ELP2: variants seen among roughly 807,000 people sequenced by gnomAD.
ELP2 encodes the protein elongator complex protein 2.
In ELP2, 90 loss-of-function variants were observed where a neutral mutation model predicts 119.2. The ratio of observed to expected loss-of-function variants is 0.75; its 90% CI spans 0.64 to 0.90. The LOEUF (loss-of-function observed/expected upper bound fraction) is 0.90. Ranked by LOEUF, ELP2 falls within the 40% of genes least tolerant of loss-of-function variation. The pLI is 0.00. For synonymous variants in ELP2, 339 were observed against 331.0 expected, an observed-to-expected ratio of 1.02 and a Z score of -0.26; for missense variants, 921 against 967.8, an observed-to-expected ratio of 0.95 and a Z score of 0.64.
intron 11 of ELP2, among the ~76,000 whole-genome samples, chr18:36,152,680 G>A (rs1414056224): frequency 6.6e-6 from 1 of 152,180 alleles, no homozygotes; most frequent in East Asian, 1.9e-4. Flanking sequence ...CTGGCTGGCC[G>A]TTCCCTCAGG....
At chr18:36,130,238 C>T (rs552136962) in intron 1 of ELP2, among the ~76,000 whole-genome samples, 167 bp downstream of exon 1, 6 of 152,254 alleles carry the variant, frequency 3.9e-5, no homozygotes, top group Non-Finnish European at 8.8e-5. Flanking sequence ...CGGACTCGCT[C>T]CTCACCCCTC....
intron 2 of ELP2, 32 bp downstream of exon 2, chr18:36,133,348 C>T (rs2089704304): frequency 6.7e-7 from 1 of 1,502,100 alleles, no homozygotes; most frequent in Non-Finnish European, 9.3e-7. Context: ...AAGTTGATCT[C>T]AATTGTTTTC....
chr18:36,154,926 A>G lies in ELP2; in HGVS notation c.1202A>G (p.Glu401Gly). The change falls in exon 12 of 22, where the codon GAA becomes GGA. Residue 401 changes from glutamate (E) to glycine (G), a missense_variant. Coordinates refer to ENST00000358232, the MANE Select transcript of ELP2 (RefSeq NM_018255.4). ...VQDLVWDPEG[E>G]FIITVGTDQT... ...GACCTAGTCTGGGATCCAGAAGGAG[A>G]ATTTATTATCACTGTTGGTACTGAT... 1.2e-6 allele frequency: 2 copies of G among 1,614,036 alleles called. No homozygotes were observed. Among genetic ancestry groups the G allele is most frequent in the Non-Finnish European group, 1.7e-6 (2 of 1,179,900 alleles).
chr18:36,174,375 A>T, intron 21 of ELP2, 110 bp from the exon 22 acceptor site: 1 of 1,059,596 alleles, frequency 9.4e-7, no homozygotes, highest in Non-Finnish European at 1.4e-6. Flanking sequence ...CTAAAATGTT[A>T]ATGATGCGAT....
intron 19 of ELP2, 132 bp from the exon 20 acceptor site, chr18:36,169,931 C>T (rs1486457863): frequency 3.4e-6 from 4 of 1,181,956 alleles, no homozygotes; most frequent in Admixed American, 1.9e-5. Context: ...GCACACCATA[C>T]ACGAATGTAA....
intron 4 of ELP2, 23 bp from the exon 5 acceptor site, chr18:36,138,772 T>C: frequency 1.3e-6 from 2 of 1,589,638 alleles, no homozygotes; most frequent in Non-Finnish European, 1.7e-6. Context: ...TAGTTGTTCA[T>C]TGTGTTTTTT....
intron 18 of ELP2, among the ~76,000 whole-genome samples, chr18:36,166,244 T>C (rs2090891581): frequency 6.6e-6 from 1 of 152,018 alleles, no homozygotes; most frequent in South Asian, 2.1e-4. Flanking sequence ...GTTATATCTT[T>C]ATGGATTATG....
rs756287485 is a variant in ELP2, at chr18:36,136,332, A to G, written c.243A>G (p.Gly81=). The change falls in exon 3 of 22, where the codon GGA becomes GGG. Residue 81 remains glycine, a synonymous_variant. Transcript: ENST00000358232. ...DGSPSTELVS[G]GSDNQVIHWE... is the part of the protein sequence containing the mutation. The stretch of plus-strand genomic sequence containing the variant: ...CCCCTTCTACTGAATTAGTTTCTGG[A>G]GGATCTGATAATCAAGTGATTCACT... 6.2e-7 allele frequency: 1 copy of G among 1,611,558 alleles called. No homozygotes were observed. Among genetic ancestry groups the G allele is most frequent in the Non-Finnish European group, 8.5e-7 (1 of 1,177,744 alleles).
intron 8 of ELP2, 90 bp downstream of exon 8, chr18:36,143,056 GTT>G: frequency 2.3e-6 from 2 of 866,712 alleles, no homozygotes; most frequent in Non-Finnish European, 3.6e-6. Flanking sequence ...GTGAAGGATA[GTT>G]TTTCACAATT....
At position 36,164,983 on chromosome 18, in the gene ELP2, A is replaced by G. The variant is rs538221106; in HGVS notation, c.1954+316A>G. 3.4e-4 allele frequency: 117 copies of G among 347,816 alleles called. 1 individual carries two copies. The South Asian group carries it at 3.5e-3, about 10-fold the overall frequency. 21.5% of individuals were successfully genotyped at this position (347,816 alleles called of 1,614,324 possible). A position where few individuals can be genotyped will look rare whatever the true frequency, so the allele number is the denominator to read the frequency against. On this transcript the variant is annotated intron_variant, in intron 18 of 21. Transcript: ENST00000358232. ...TTGCAAATGGTGATAGAATGCTACC[A>G]CAAAGCCTAATGGATAACTTATCCT...
At chr18:36,139,808 A>G in intron 5 of ELP2, 1 of 386,896 alleles carries the variant, frequency 2.6e-6, no homozygotes, top group East Asian at 4.0e-5. Context: ...ATAATTTTAC[A>G]GTCACATCTT....
chr18:36,160,111 T>C, intron 16 of ELP2, 96 bp downstream of exon 16: 1 of 1,159,516 alleles, frequency 8.6e-7, no homozygotes, highest in Non-Finnish European at 1.3e-6. Context: ...TTTTCTTCCT[T>C]CTACCTACCT....
At chr18:36,173,358 C>A (rs1424665709) in intron 21 of ELP2, among the ~76,000 whole-genome samples, 1 of 152,160 alleles carries the variant, frequency 6.6e-6, no homozygotes, top group Non-Finnish European at 1.5e-5. Context: ...ATAATATTAC[C>A]TGTTTCAATC....
intron 21 of ELP2, among the ~76,000 whole-genome samples, chr18:36,172,663 T>A (rs1401092601): frequency 6.6e-6 from 1 of 152,206 alleles, no homozygotes; most frequent in African/African-American, 2.4e-5. Context: ...TCTCTCTTCC[T>A]GGGCACCCTT....
At position 36,156,551 on chromosome 18, in the gene ELP2, C is replaced by G; in HGVS notation, c.1361C>G (p.Ser454Cys). The stretch of plus-strand genomic sequence containing the variant: ...ATGATTAATCGGTTTCAGTTTGTAT[C>G]TGGAGCAGATGAAAAAGTTCTTCGG... ...LAMINRFQFV[S>C]GADEKVLRVF... The change falls in exon 13 of 22, where the codon TCT (serine) becomes TGT (cysteine). Residue 454 changes from serine to cysteine, a missense_variant. Ser to Cys is a moderately radical substitution (Grantham distance 112, BLOSUM62 -1). Coordinates refer to ENST00000358232, the MANE Select transcript of ELP2 (RefSeq NM_018255.4). The G allele has an allele frequency of 6.2e-7, 1 of 1,614,132 alleles. No individual in the cohort carries two copies. Among genetic ancestry groups the G allele is most frequent in the Non-Finnish European group, 8.5e-7 (1 of 1,180,018 alleles).
rs370800781 is a variant in ELP2 at position 36,152,944 on chromosome 18, TC to T, written c.1126-1901del. On this transcript the variant is annotated intron_variant, in intron 11 of 21. Transcript: ENST00000358232. ...TTCAGTAGTTACTTGGTTTTGCCCTTCCCCCACATTGACTACCTTCTTGGTA... is the reference window on the plus strand; with the variant it reads ...TTCAGTAGTTACTTGGTTTTGCCCTTCCCCACATTGACTACCTTCTTGGTA... Among the ~76,000 whole-genome samples the T allele has an allele frequency of 1.3e-4, 20 of 152,304 alleles. No homozygotes were observed. In the East Asian group the frequency reaches 1.3e-3, roughly 10 times the overall value.
At position 36,177,211 on chromosome 18, in the gene ELP2, T is replaced by TA. The variant is rs1347146049; in HGVS notation, c.*2571dup. 6.6e-6 allele frequency: 1 copy of TA among 152,136 alleles called. No homozygotes were observed. Among genetic ancestry groups the TA allele is most frequent in the Non-Finnish European group, 1.5e-5 (1 of 68,024 alleles). 9.4% of individuals were successfully genotyped at this position (152,136 alleles called of 1,614,324 possible). A position where few individuals can be genotyped will look rare whatever the true frequency, so the allele number is the denominator to read the frequency against. ...ATTAGTGGTAGTTTTTGTATGCCCA[T>TA]ACTCACGGCACCATTATTCACAGTA... On this transcript the variant is annotated 3_prime_UTR_variant, in exon 22 of 22. Coordinates refer to ENST00000358232, the MANE Select transcript of ELP2 (RefSeq NM_018255.4).
chr18:36,155,191 T>G (rs1185074446), intron 12 of ELP2, among the ~76,000 whole-genome samples, 192 bp downstream of exon 12: 2 of 151,640 alleles, frequency 1.3e-5, no homozygotes, highest in African/African-American at 4.8e-5. Flanking sequence ...TTTTGTATTT[T>G]TAGTAGAGAT....
At chr18:36,143,473 C>T (rs2090105028) in intron 8 of ELP2, among the ~76,000 whole-genome samples, 1 of 133,318 alleles carries the variant, frequency 7.5e-6, no homozygotes, top group South Asian at 2.4e-4. Flanking sequence ...AGTGCAGTGG[C>T]ATAATCACAG....
Sources: allele counts gnomAD v4.1 joint callset (sites outside exome capture counted in the v4.1 genomes callset), GRCh38; gene constraint gnomAD v4.1.1; transcripts MANE v1.5; gene names NCBI Gene and HGNC (gene_info 2026-07-23, HGNC 2026-07-21).